Variants in RBM19 observed in about 807,000 individuals in gnomAD.
RBM19 encodes RNA binding motif protein 19, also known as probable RNA-binding protein 19.
Under a neutral mutation model 116.8 loss-of-function variants are expected in RBM19, and 94 were observed. That is an observed-to-expected ratio of 0.80 (90% CI 0.68 to 0.95). RBM19 has a LOEUF of 0.95. RBM19 is among the 40% of genes least tolerant of loss of function. RBM19 has a pLI of 0.00. For missense variants in RBM19, 1,161 were observed against 1,220.7 expected (o/e 0.95, Z 0.73); for synonymous variants, 475 against 494.1 (o/e 0.96, Z 0.51).
chr12:113,942,277 G>C, intron 14 of RBM19, 47 bp downstream of exon 14: 1 of 1,550,930 alleles, frequency 6.4e-7, no homozygotes, highest in Non-Finnish European at 8.8e-7. Flanking sequence ...GGCCATTCTC[G>C]ACTCTCCAGT....
At chr12:113,823,738 T>C (rs1300940691) in intron 23 of RBM19, among the ~76,000 whole-genome samples, 1 of 152,190 alleles carries the variant, frequency 6.6e-6, no homozygotes, top group Non-Finnish European at 1.5e-5. Flanking sequence ...AAGGGTCTCC[T>C]GTGCTGCTTC....
chr12:113,939,136 T>C (rs1870324412), intron 15 of RBM19, among the ~76,000 whole-genome samples: 1 of 152,044 alleles, frequency 6.6e-6, no homozygotes, highest in Non-Finnish European at 1.5e-5. Context: ...GAGACCTTTG[T>C]CTCTACAAAA....
chr12:113,965,605 T>C (rs539013870), intron 1 of RBM19, among the ~76,000 whole-genome samples: 1 of 152,314 alleles, frequency 6.6e-6, no homozygotes, highest in Admixed American at 6.5e-5. Context: ...CATCTAATAT[T>C]ACGTACATTC....
chr12:113,838,012 C>T (rs757399650), intron 23 of RBM19, among the ~76,000 whole-genome samples: 1 of 152,218 alleles, frequency 6.6e-6, no homozygotes, highest in African/African-American at 2.4e-5. Flanking sequence ...AAATATTAAA[C>T]ACTGAAATAA....
At chr12:113,961,763 C>G (rs562423013) in intron 2 of RBM19, among the ~76,000 whole-genome samples, 12 of 152,240 alleles carry the variant, frequency 7.9e-5, no homozygotes, top group Non-Finnish European at 1.5e-4. Flanking sequence ...CCTATCATAG[C>G]ACTGATGTCA....
At chr12:113,843,928 C>T (rs545401383) in intron 23 of RBM19, among the ~76,000 whole-genome samples, 1 of 152,366 alleles carries the variant, frequency 6.6e-6, no homozygotes, top group South Asian at 2.1e-4. Flanking sequence ...GTCTCCCCTG[C>T]CCCTGGCCTC....
At chr12:113,948,445 C>A (rs953897957) in intron 10 of RBM19, among the ~76,000 whole-genome samples, 1 of 152,142 alleles carries the variant, frequency 6.6e-6, no homozygotes, top group African/African-American at 2.4e-5. Context: ...CGGAGGAACG[C>A]CGTGTAGGTA....
intron 21 of RBM19, among the ~76,000 whole-genome samples, chr12:113,890,849 G>A (rs969816384): frequency 5.9e-5 from 9 of 152,206 alleles, no homozygotes; most frequent in South Asian, 2.1e-4. Context: ...GAGCAGTGGC[G>A]CGATCACAGC....
chr12:113,931,653 A>G lies in RBM19; in HGVS notation c.2069-4424T>C, dbSNP rs1593605861. The stretch of plus-strand genomic sequence containing the variant: ...CTCCCGTCACCTCCGTTCCAAACGC[A>G]CTGGTCTCTTTTCTGATGGCCGAGC... On this transcript the variant is annotated intron_variant, in intron 16 of 23. Transcript: ENST00000261741. Among the ~76,000 whole-genome samples the G allele has an allele frequency of 2.0e-5, 3 of 151,574 alleles. No homozygotes were observed. The South Asian group carries it at 6.3e-4, about 32-fold the overall frequency.
chr12:113,958,176 T>C (rs1872143812), intron 5 of RBM19, 126 bp from the exon 6 acceptor site: 1 of 1,487,224 alleles, frequency 6.7e-7, no homozygotes, highest in Non-Finnish European at 8.9e-7. Flanking sequence ...CCATGGCCCC[T>C]GTGCCCAGCA....
intron 21 of RBM19, among the ~76,000 whole-genome samples, chr12:113,879,571 G>A (rs1879960109): frequency 6.6e-6 from 1 of 151,626 alleles, no homozygotes; most frequent in Admixed American, 6.6e-5. Flanking sequence ...TGGATGGCTT[G>A]TCCATTCCTT....
At chr12:113,910,792 C>T (rs1042908662) in intron 21 of RBM19, among the ~76,000 whole-genome samples, 5 of 151,328 alleles carry the variant, frequency 3.3e-5, no homozygotes, top group Admixed American at 3.3e-4. Flanking sequence ...TTTAACACCA[C>T]TTCCAGCTTT....
At chr12:113,949,992 G>T in intron 9 of RBM19, 91 bp downstream of exon 9, 1 of 1,149,384 alleles carries the variant, frequency 8.7e-7, no homozygotes, top group Non-Finnish European at 1.3e-6. Flanking sequence ...CTTGGTGGTG[G>T]TGATGGTGCT....
At chr12:113,915,720 G>A (rs1443052980) in intron 20 of RBM19, among the ~76,000 whole-genome samples, 7 of 152,224 alleles carry the variant, frequency 4.6e-5, no homozygotes, top group East Asian at 1.9e-4. Flanking sequence ...TAACATGGCC[G>A]CTCTGGGCCT....
intron 1 of RBM19, among the ~76,000 whole-genome samples, chr12:113,965,429 G>A (rs1329913772): frequency 1.3e-5 from 2 of 152,114 alleles, no homozygotes; most frequent in African/African-American, 2.4e-5. Flanking sequence ...GGGAAAGGAA[G>A]TGCAGCTACG....
chr12:113,940,054 C>A lies in RBM19; in HGVS notation c.1844G>T (p.Arg615Leu), dbSNP rs760073881. Residue 615 changes from arginine to leucine, a missense_variant, in exon 15 of 24, where the codon CGC becomes CTC. Coordinates refer to ENST00000261741, the MANE Select transcript of RBM19 (RefSeq NM_016196.4). ...GATTCCGCCCTCTGGCAGCAGCACG[C>A]GGCCCAGGCTGCCAAAATGGCCGAA... ...ETFGHFGSLGRVLLPEGGITA... is the reference protein window; with the variant it reads ...ETFGHFGSLGLVLLPEGGITA... 1 of 1,613,926 alleles carries A rather than the reference C, an allele frequency of 6.2e-7. No homozygotes were observed. The highest frequency in any genetic ancestry group is 8.5e-7 in the Non-Finnish European group (1 of 1,179,976).
At chr12:113,818,315 A>G (rs997335923), downstream of RBM19, 4 of 150,834 alleles carry the variant, frequency 2.7e-5, no homozygotes, top group Non-Finnish European at 4.4e-5. Flanking sequence ...CTGTTTCCCC[A>G]CAACCATTGG....
chr12:113,822,892 G>T lies in RBM19; in HGVS notation c.*332C>A, dbSNP rs140170081. 1.4e-5 allele frequency: 3 copies of T among 221,310 alleles called. No individual in the cohort carries two copies. The highest frequency in any genetic ancestry group is 1.8e-5 in the Non-Finnish European group (2 of 112,796). The allele number at this position is 221,310 out of a possible 1,614,324, so 13.7% of individuals were successfully genotyped here. A position where few individuals can be genotyped will look rare whatever the true frequency, so the allele number is the denominator to read the frequency against. On this transcript the variant is annotated 3_prime_UTR_variant, in exon 24 of 24. Transcript: ENST00000261741. The stretch of plus-strand genomic sequence containing the variant: ...TTACTCTCCTGGGGTGGGGACAGGG[G>T]GAGCAGGGGTTCTAGCTCCCTGTGT...
At chr12:113,961,574 G>A (rs1319811528) in intron 2 of RBM19, among the ~76,000 whole-genome samples, 1 of 152,134 alleles carries the variant, frequency 6.6e-6, no homozygotes, top group Non-Finnish European at 1.5e-5. Context: ...AGGATCACGA[G>A]ACATATATAT....
Sources: allele counts gnomAD v4.1 joint callset (sites outside exome capture counted in the v4.1 genomes callset), GRCh38; gene constraint gnomAD v4.1.1; transcripts MANE v1.5; gene names NCBI Gene and HGNC (gene_info 2026-07-23, HGNC 2026-07-21).